Variants in OPCML observed in about 807,000 individuals in gnomAD.
The protein encoded by OPCML is opioid-binding protein/cell adhesion molecule.
OPCML carries 13 observed loss-of-function variants against 37.8 expected under a neutral mutation model. The observed-to-expected ratio is 0.34, with a 90% CI of 0.22 to 0.55. The LOEUF is 0.55. OPCML is among the 20% of genes least tolerant of loss of function. The probability of loss-of-function intolerance (pLI) is 0.91; values close to 1 mark genes in which losing one functional copy is unlikely to be tolerated. For synonymous variants in OPCML, 176 were observed against 168.8 expected (o/e 1.04, Z -0.33); for missense variants, 341 against 435.6 (o/e 0.78, Z 1.93).
chr11:133,146,312 C>CTTTTT (rs869237328), intron 1 of OPCML, among the ~76,000 whole-genome samples: 7 of 128,730 alleles, frequency 5.4e-5, no homozygotes, highest in South Asian at 2.6e-4. Flanking sequence ...TCCATCTTTT[C>CTTTTT]TTTTTTTTTT....
At chr11:133,326,917 C>A (rs532152403) in intron 1 of OPCML, among the ~76,000 whole-genome samples, 1 of 44,940 alleles carries the variant, frequency 2.2e-5, no homozygotes, top group Non-Finnish European at 4.3e-5. Context: ...GTGTGTGGGG[C>A]GGCGAGTGTG....
intron 1 of OPCML, among the ~76,000 whole-genome samples, chr11:133,192,650 T>C (rs1938370571): frequency 6.6e-6 from 1 of 152,210 alleles, no homozygotes; most frequent in Non-Finnish European, 1.5e-5. Context: ...TGCGGGCAAG[T>C]CACTTAGCCT....
chr11:133,163,673 A>G (rs902014264), intron 1 of OPCML, among the ~76,000 whole-genome samples: 2 of 152,156 alleles, frequency 1.3e-5, no homozygotes, highest in African/African-American at 2.4e-5. Flanking sequence ...CAAACATTTC[A>G]GTGTGAGTGT....
At chr11:133,112,423 C>T (rs1475525473) in intron 1 of OPCML, among the ~76,000 whole-genome samples, 5 of 150,616 alleles carry the variant, frequency 3.3e-5, no homozygotes, top group African/African-American at 9.8e-5. Context: ...GAGTATATGA[C>T]AGATGAAAAA....
At chr11:132,908,260 C>T (rs1045113022) in intron 2 of OPCML, among the ~76,000 whole-genome samples, 14 of 121,594 alleles carry the variant, frequency 1.2e-4, no homozygotes, top group Admixed American at 1.0e-3. Flanking sequence ...TAGTCCCCTC[C>T]CCCAAAGAAA....
At chr11:133,259,861 A>G (rs953788918) in intron 1 of OPCML, among the ~76,000 whole-genome samples, 1 of 152,188 alleles carries the variant, frequency 6.6e-6, no homozygotes, top group African/African-American at 2.4e-5. Flanking sequence ...AGCACCTTCT[A>G]TGTCTAGGCA....
At chr11:132,692,325 T>TAATTAGG (rs1943436595) in intron 2 of OPCML, among the ~76,000 whole-genome samples, 1 of 152,126 alleles carries the variant, frequency 6.6e-6, no homozygotes, top group African/African-American at 2.4e-5. Flanking sequence ...ATGAGTGCTG[T>TAATTAGG]AATTAGGTGC....
At chr11:132,599,361 A>G (rs1182808199) in intron 3 of OPCML, among the ~76,000 whole-genome samples, 1 of 128,166 alleles carries the variant, frequency 7.8e-6, no homozygotes, top group Non-Finnish European at 1.6e-5. Context: ...AAGGAGGAGA[A>G]GGAGGAGGAG....
At chr11:133,091,079 T>A (rs1484731920) in intron 1 of OPCML, among the ~76,000 whole-genome samples, 1 of 152,184 alleles carries the variant, frequency 6.6e-6, no homozygotes, top group Non-Finnish European at 1.5e-5. Flanking sequence ...CATCTCTGTT[T>A]CTCACATTCT....
intron 1 of OPCML, among the ~76,000 whole-genome samples, chr11:133,456,780 C>CA (rs34351764): frequency 0.17 from 20,238 of 122,178 alleles, 2,363 homozygotes; most frequent in African/African-American, 0.35. Flanking sequence ...CCAATCAGAC[C>CA]AAAAAAAAAA....
chr11:133,494,015 A>G (rs61324920), intron 1 of OPCML, among the ~76,000 whole-genome samples: 3 of 123,266 alleles, frequency 2.4e-5, no homozygotes, highest in African/African-American at 3.9e-5. Flanking sequence ...AAATTTACAA[A>G]AAAAAAAAAC....
At chr11:132,779,554 GA>G (rs1307859672) in intron 2 of OPCML, among the ~76,000 whole-genome samples, 1 of 150,462 alleles carries the variant, frequency 6.6e-6, no homozygotes, top group Non-Finnish European at 1.5e-5. Context: ...TAGATAGACA[GA>G]AGGGGGGCGT....
chr11:133,217,717 A>G (rs1939643481), intron 1 of OPCML, among the ~76,000 whole-genome samples: 1 of 152,138 alleles, frequency 6.6e-6, no homozygotes, highest in Non-Finnish European at 1.5e-5. Flanking sequence ...AGAGTTTTTC[A>G]TTGCTGGGCA....
intron 1 of OPCML, among the ~76,000 whole-genome samples, chr11:132,985,238 C>T (rs916502366): frequency 6.6e-6 from 1 of 152,174 alleles, no homozygotes; most frequent in African/African-American, 2.4e-5. Flanking sequence ...TAGTAAGGCA[C>T]TCTACTCAGG....
intron 2 of OPCML, among the ~76,000 whole-genome samples, chr11:132,877,760 G>C (rs908658443): frequency 2.6e-5 from 4 of 152,052 alleles, no homozygotes; most frequent in Non-Finnish European, 4.4e-5. Context: ...CTCCAAGCTG[G>C]GGTCATGCAA....
intron 1 of OPCML, among the ~76,000 whole-genome samples, chr11:132,976,699 A>C (rs918559104): frequency 2.6e-5 from 4 of 152,256 alleles, no homozygotes; most frequent in Non-Finnish European, 4.4e-5. Context: ...AATCACTCCT[A>C]GTACTTTCTG....
chr11:133,247,534 C>A (rs1056941706), intron 1 of OPCML, among the ~76,000 whole-genome samples: 1 of 101,174 alleles, frequency 9.9e-6, no homozygotes, highest in African/African-American at 4.1e-5. Context: ...TTCTTTCTTT[C>A]CTTCTTTTTC....
At position 133,451,569 on chromosome 11, in the gene OPCML, C is replaced by A. The variant is rs192782174; in HGVS notation, c.61+80695G>T. 2.1e-3 allele frequency among the ~76,000 whole-genome samples: 326 copies of A among 151,694 alleles called. 2 individuals are homozygous for A. The highest frequency in any genetic ancestry group is 3.5e-3 in the Non-Finnish European group (240 of 68,012). On this transcript the variant is annotated intron_variant, in intron 1 of 7. Transcript: ENST00000524381. Reference sequence around the variant, plus strand: ...TATTTAAAGATTGGTTTAGGCTGAGCGTGGTGGCTCATGCCTGTAATCCAG... The same window carrying A: ...TATTTAAAGATTGGTTTAGGCTGAGAGTGGTGGCTCATGCCTGTAATCCAG...
At chr11:133,070,409 CA>C (rs1565430749) in intron 1 of OPCML, among the ~76,000 whole-genome samples, 1 of 152,148 alleles carries the variant, frequency 6.6e-6, no homozygotes, top group Non-Finnish European at 1.5e-5. Flanking sequence ...CACCCTGGTC[CA>C]TTTAGGCTCA....
Sources: gnomAD v4.1 joint callset for allele counts (sites outside exome capture counted in the v4.1 genomes callset) on GRCh38, gnomAD v4.1.1 for gene constraint, MANE v1.5 for transcripts, NCBI Gene and HGNC (gene_info 2026-07-23, HGNC 2026-07-21) for gene names.